Variants in NAV3 observed in about 807,000 individuals in gnomAD.
NAV3 encodes pore membrane and/or filament interacting like protein 1.
Under a neutral mutation model 244.7 loss-of-function variants are expected in NAV3, and 87 were observed. That is an observed-to-expected ratio of 0.36 (90% CI 0.30 to 0.42). NAV3 has a LOEUF of 0.42. NAV3 is among the 20% of genes least tolerant of loss of function. The pLI is 1.00. For missense variants in NAV3, 2,663 were observed against 2,893.3 expected (o/e 0.92, Z 1.83); for synonymous variants, 1,126 against 1,042.2 (o/e 1.08, Z -1.55).
intron 9 of NAV3, among the ~76,000 whole-genome samples, chr12:78,025,432 CTAAAAG>C (rs747023773): frequency 6.6e-6 from 1 of 151,528 alleles, no homozygotes; most frequent in Admixed American, 6.6e-5. Context: ...CTCATCTTTA[CTAAAAG>C]TACAAACATT....
At chr12:77,946,154 CAT>C (rs1178039480) in intron 3 of NAV3, among the ~76,000 whole-genome samples, 3 of 145,954 alleles carry the variant, frequency 2.1e-5, no homozygotes, top group Admixed American at 6.9e-5. Flanking sequence ...TACATATATA[CAT>C]ATATATATAA....
chr12:77,835,884 C>A (rs766791848), intron 1 of NAV3, among the ~76,000 whole-genome samples: 11 of 152,194 alleles, frequency 7.2e-5, no homozygotes, highest in Admixed American at 7.2e-4. Flanking sequence ...TGCTACATCC[C>A]AGATGTCTTC....
Position 77,651,897 on chromosome 12 carries a change from T to C in NAV3, c.72+79631T>C, listed in dbSNP as rs560716645. 8.5e-5 allele frequency among the ~76,000 whole-genome samples: 13 copies of C among 152,316 alleles called. No homozygotes were observed. The East Asian group carries it at 2.1e-3, about 25-fold the overall frequency. ...TGCGAATCTAATTTCAGAGAAAATCTGGTCAGCTTGTGTTTGGTCAATTCT... is the reference window on the plus strand; with the variant it reads ...TGCGAATCTAATTTCAGAGAAAATCCGGTCAGCTTGTGTTTGGTCAATTCT... On this transcript the variant is annotated intron_variant, in intron 2 of 8. Coordinates refer to the NAV3 transcript ENST00000550042.
chr12:78,166,100 C>T (rs555771456), intron 23 of NAV3, among the ~76,000 whole-genome samples: 9 of 151,740 alleles, frequency 5.9e-5, no homozygotes, highest in East Asian at 5.8e-4. Flanking sequence ...ATAAATCAAG[C>T]GAAAAAATAT....
At chr12:77,952,693 G>T (rs1413351369) in intron 3 of NAV3, among the ~76,000 whole-genome samples, 7 of 151,956 alleles carry the variant, frequency 4.6e-5, no homozygotes, top group African/African-American at 7.2e-5. Context: ...AAATTATTTG[G>T]CTCCTCTGCT....
In NAV3 at chr12:78,092,491, C is replaced by CTTTTTTTTTTT. The variant is rs71088358; in HGVS notation, c.2637-24265_2637-24255dup. On this transcript the variant is annotated intron_variant, in intron 12 of 39. Transcript: ENST00000397909. ...ACCCTTTGAAAGCGTTAGTTATTTT[C>CTTTTTTTTTTT]TTTTTTTTTTTTTTTTTTTTTTTTT... is the stretch of plus-strand genomic sequence containing the variant. 1.1e-4 allele frequency among the ~76,000 whole-genome samples: 7 copies of CTTTTTTTTTTT among 64,028 alleles called. 1 individual carries two copies. Among genetic ancestry groups the CTTTTTTTTTTT allele is most frequent in the Non-Finnish European group, 2.2e-4 (7 of 32,532 alleles). The allele number at this position is 64,028 out of a possible 152,430, so 42.0% of individuals were successfully genotyped here.
chr12:77,979,189 C>T (rs1466328942), intron 5 of NAV3, among the ~76,000 whole-genome samples: 1 of 142,974 alleles, frequency 7.0e-6, no homozygotes, highest in African/African-American at 2.6e-5. Context: ...GCCTGGTCAA[C>T]ACTGTGAGAC....
intron 5 of NAV3, among the ~76,000 whole-genome samples, chr12:77,977,692 ACACACACACACACACACGCG>A (rs1427026591): frequency 3.3e-5 from 2 of 61,366 alleles, no homozygotes; most frequent in Non-Finnish European, 9.0e-5. Context: ...ATATATATAC[ACACACACACACACACACGCG>A]CACACACACA....
chr12:78,127,782 A>T (rs903089358), intron 17 of NAV3, among the ~76,000 whole-genome samples: 2 of 152,190 alleles, frequency 1.3e-5, no homozygotes, highest in African/African-American at 4.8e-5. Flanking sequence ...AAAATCTCAA[A>T]ATTGTTTTAA....
At chr12:78,209,305 T>A (rs971721667) in intron 39 of NAV3, among the ~76,000 whole-genome samples, 4 of 152,086 alleles carry the variant, frequency 2.6e-5, no homozygotes, top group Non-Finnish European at 5.9e-5. Context: ...GCTTAACATA[T>A]GACCAAGGAA....
chr12:78,148,856 G>A lies in NAV3; in HGVS notation c.4722G>A (p.Leu1574=), dbSNP rs562439289. ...ATTGCATTCAGCAAATCCATAAACT[G>A]CGGAGAGAGCTGGTTGCATCACAAG... ...EKAHSEQIHK[L]RRELVASQEK... The change falls in exon 22 of 40, where the codon CTG becomes CTA. Residue 1574 remains leucine (L), a synonymous_variant. Coordinates refer to ENST00000397909, the MANE Select transcript of NAV3 (RefSeq NM_001024383.2). 7 of 1,612,334 alleles carry A rather than the reference G, an allele frequency of 4.3e-6. No homozygotes were observed. The highest frequency in any genetic ancestry group is 5.9e-6 in the Non-Finnish European group (7 of 1,179,064).
At chr12:77,721,219 C>A (rs1397336657) in intron 2 of NAV3, among the ~76,000 whole-genome samples, 2 of 152,072 alleles carry the variant, frequency 1.3e-5, no homozygotes, top group Non-Finnish European at 2.9e-5. Context: ...TTTGTAAGTG[C>A]ATTGTAAATC....
rs141994882 is a variant in NAV3, at chr12:77,908,717, C to T, written c.244-31602C>T. The stretch of plus-strand genomic sequence containing the variant: ...ATTAATGAGTAGATTTTTTTCACTG[C>T]TTTACTATTTTCAATATGTCAGAGA... On this transcript the variant is annotated intron_variant, in intron 1 of 39. Coordinates refer to ENST00000397909, the MANE Select transcript of NAV3 (RefSeq NM_001024383.2). Among the ~76,000 whole-genome samples, 386 of 151,946 alleles carry T rather than the reference C, an allele frequency of 2.5e-3. 1 individual carries two copies. Among genetic ancestry groups the T allele is most frequent in the African/African-American group, 9.0e-3 (374 of 41,466 alleles).
intron 12 of NAV3, among the ~76,000 whole-genome samples, chr12:78,097,665 TTAA>T (rs1954325432): frequency 6.6e-6 from 1 of 152,184 alleles, no homozygotes; most frequent in Non-Finnish European, 1.5e-5. Context: ...AATTTTGTTT[TTAA>T]TAATATTTTC....
chr12:77,837,777 G>A (rs1874926077), intron 1 of NAV3, among the ~76,000 whole-genome samples: 1 of 152,206 alleles, frequency 6.6e-6, no homozygotes, highest in African/African-American at 2.4e-5. Context: ...TTGGTGAATT[G>A]TAAATCAATC....
chr12:77,773,398 G>A (rs1870196332), intron 2 of NAV3, among the ~76,000 whole-genome samples: 1 of 152,120 alleles, frequency 6.6e-6, no homozygotes, highest in African/African-American at 2.4e-5. Flanking sequence ...CCTATTATTT[G>A]TGACTGTTAT....
At chr12:77,986,851 G>A (rs1013518564) in intron 5 of NAV3, among the ~76,000 whole-genome samples, 1 of 152,016 alleles carries the variant, frequency 6.6e-6, no homozygotes, top group Non-Finnish European at 1.5e-5. Flanking sequence ...AGGATTATGA[G>A]GCTACCATAG....
intron 2 of NAV3, among the ~76,000 whole-genome samples, chr12:77,760,952 C>T (rs973563394): frequency 6.6e-6 from 1 of 152,188 alleles, no homozygotes; most frequent in Non-Finnish European, 1.5e-5. Context: ...AGAAACCCCA[C>T]CCTATTTCTG....
intron 1 of NAV3, among the ~76,000 whole-genome samples, chr12:77,938,045 T>G (rs1889493584): frequency 6.6e-6 from 1 of 152,150 alleles, no homozygotes; most frequent in Non-Finnish European, 1.5e-5. Flanking sequence ...TGGTCTCAAG[T>G]CAGATCTGTC....
Sources: gnomAD v4.1 joint callset for allele counts (sites outside exome capture counted in the v4.1 genomes callset) on GRCh38, gnomAD v4.1.1 for gene constraint, MANE v1.5 for transcripts, NCBI Gene and HGNC (gene_info 2026-07-23, HGNC 2026-07-21) for gene names.